LRCH1: variants seen among roughly 807,000 people sequenced by gnomAD.
LRCH1 encodes leucine-rich repeat and calponin homology domain-containing protein 1.
In LRCH1, 23 loss-of-function variants were observed where a neutral mutation model predicts 94.9. That is an observed-to-expected ratio of 0.24 (90% CI 0.17 to 0.34). The LOEUF (loss-of-function observed/expected upper bound fraction) is 0.34. Ranked by LOEUF, LRCH1 falls within the 10% of genes least tolerant of loss-of-function variation. The pLI, the probability that LRCH1 is intolerant of heterozygous loss-of-function variation, is 1.00. For synonymous variants in LRCH1, 364 were observed against 354.9 expected (o/e 1.03, Z -0.29); for missense variants, 790 against 945.9 (o/e 0.84, Z 2.16).
chr13:46,649,361 T>C (rs2051263005), intron 1 of LRCH1, among the ~76,000 whole-genome samples: 1 of 152,222 alleles, frequency 6.6e-6, no homozygotes, highest in Non-Finnish European at 1.5e-5. Context: ...TTCTGGAATT[T>C]GACAATCATG....
At chr13:46,574,821 G>GTTTTTTTTTT (rs1566151493) in intron 1 of LRCH1, among the ~76,000 whole-genome samples, 1 of 134,514 alleles carries the variant, frequency 7.4e-6, no homozygotes, top group Non-Finnish European at 1.6e-5. Flanking sequence ...TTGTGTGTGG[G>GTTTTTTTTTT]GTTTTTTTTT....
intron 16 of LRCH1, among the ~76,000 whole-genome samples, chr13:46,720,196 G>A (rs935559150): frequency 5.9e-5 from 9 of 152,050 alleles, no homozygotes; most frequent in African/African-American, 1.9e-4. Context: ...AGACCAGCCT[G>A]GGCAATATGG....
intron 1 of LRCH1, among the ~76,000 whole-genome samples, chr13:46,557,589 C>T (rs1028548407): frequency 6.7e-6 from 1 of 148,294 alleles, no homozygotes; most frequent in Admixed American, 6.9e-5. Context: ...ACTCCTGTAA[C>T]GCCTGCACTT....
intron 1 of LRCH1, among the ~76,000 whole-genome samples, chr13:46,567,974 A>G (rs2050202907): frequency 6.6e-6 from 1 of 152,110 alleles, no homozygotes; most frequent in Non-Finnish European, 1.5e-5. Flanking sequence ...GGTCTTTCTC[A>G]AGTGGTTCCA....
At chr13:46,645,472 TGAAA>T (rs1311581912) in intron 1 of LRCH1, among the ~76,000 whole-genome samples, 2 of 152,252 alleles carry the variant, frequency 1.3e-5, no homozygotes, top group Non-Finnish European at 2.9e-5. Context: ...ATTATGATGA[TGAAA>T]CAAAATTTCT....
chr13:46,553,199 C>A lies in LRCH1; in HGVS notation c.-198C>A, dbSNP rs567767454. 7.1e-6 allele frequency: 4 copies of A among 563,986 alleles called. No homozygotes were observed. The highest frequency in any genetic ancestry group is 4.0e-5 in the South Asian group (2 of 50,142). 34.9% of individuals were successfully genotyped at this position (563,986 alleles called of 1,614,324 possible). On this transcript the variant is annotated 5_prime_UTR_variant, in exon 1 of 20. Transcript: ENST00000389797. ...TCCTTAGCTTCCCGGGGACAGGAAA[C>A]CTTCAAGACCGAGCTGCCACGGCCG...
At chr13:46,730,192 T>A (rs1873029317) in intron 18 of LRCH1, among the ~76,000 whole-genome samples, 1 of 152,188 alleles carries the variant, frequency 6.6e-6, no homozygotes, top group African/African-American at 2.4e-5. Flanking sequence ...AATGTAAGGT[T>A]TGGATTAAAA....
chr13:46,558,704 G>T (rs933395712), intron 1 of LRCH1, among the ~76,000 whole-genome samples: 2 of 151,570 alleles, frequency 1.3e-5, no homozygotes, highest in Non-Finnish European at 2.9e-5. Flanking sequence ...CTGCACTCCA[G>T]CCTGGGCGAC....
chr13:46,722,571 G>A (rs1872631534), intron 16 of LRCH1, among the ~76,000 whole-genome samples: 1 of 152,164 alleles, frequency 6.6e-6, no homozygotes, highest in African/African-American at 2.4e-5. Flanking sequence ...ATTCTTGGAA[G>A]TCGTAACTTC....
At position 46,715,658 on chromosome 13, in the gene LRCH1, G is replaced by A; in HGVS notation, c.1753G>A (p.Asp585Asn). 2.0e-6 allele frequency: 3 copies of A among 1,531,474 alleles called. No individual in the cohort carries two copies. The highest frequency in any genetic ancestry group is 2.6e-6 in the Non-Finnish European group (3 of 1,141,634). The allele number at this position is 1,531,474 out of a possible 1,614,324, so 94.9% of individuals were successfully genotyped here. ...CAGTGTTCCATCTGAAGGAGACAGT[G>A]ACAATGGTAGGTGGCTTTGTACCTA... ...SYSVPSEGDSDNVFLRPQRNL... is the reference protein window; with the variant it reads ...SYSVPSEGDSNNVFLRPQRNL... The change falls in exon 16 of 20, where the codon GAC becomes AAC. Residue 585 changes from aspartate to asparagine, a missense_variant. By Grantham distance (23) the Asp-to-Asn change is conservative. This residue lies in a region of LRCH1 where 460 missense variants were observed against 508.9 expected (regional missense o/e 0.90). Coordinates refer to ENST00000389797, the MANE Select transcript of LRCH1 (RefSeq NM_001164211.2).
rs758770815 is a variant in LRCH1 at position 46,614,099 on chromosome 13, CAT to C, written c.308-36100_308-36099del. Among the ~76,000 whole-genome samples the C allele has an allele frequency of 1.5e-3, 115 of 75,768 alleles. 1 individual carries two copies. Among genetic ancestry groups the C allele is most frequent in the South Asian group, 4.2e-4 (1 of 2,362 alleles). 49.7% of individuals were successfully genotyped at this position (75,768 alleles called of 152,430 possible). A position where few individuals can be genotyped will look rare whatever the true frequency, so the allele number is the denominator to read the frequency against. On this transcript the variant is annotated intron_variant, in intron 1 of 19. Coordinates refer to ENST00000389797, the MANE Select transcript of LRCH1 (RefSeq NM_001164211.2). ...TTAAATTAACACACCCATCATTTCA[CAT>C]AGTTACCTTTCTTTTTTTGTGGCGA...
downstream of LRCH1, chr13:46,745,043 C>G (rs1873854869): frequency 2.5e-6 from 1 of 392,696 alleles, no homozygotes. Flanking sequence ...ATAAAAAAGT[C>G]ACTGGGACAC....
At chr13:46,750,877 AG>A (rs1874100532) in exon 19 of LRCH1, 1 of 389,956 alleles carries the variant, frequency 2.6e-6, no homozygotes, top group Non-Finnish European at 4.6e-6. Flanking sequence ...AGGGAGCTGG[AG>A]GAAAAAAAAA....
chr13:46,574,608 A>G (rs1402250139), intron 1 of LRCH1, among the ~76,000 whole-genome samples: 1 of 152,232 alleles, frequency 6.6e-6, no homozygotes, highest in African/African-American at 2.4e-5. Flanking sequence ...AATTATTTGT[A>G]GATCCCACTT....
intron 1 of LRCH1, among the ~76,000 whole-genome samples, chr13:46,593,526 C>T (rs978438123): frequency 1.3e-5 from 2 of 152,294 alleles, no homozygotes; most frequent in East Asian, 1.9e-4. Flanking sequence ...AACGTCACCA[C>T]GATCTGACGT....
chr13:46,719,296 C>A (rs7328050), intron 16 of LRCH1, among the ~76,000 whole-genome samples: 2,073 of 152,288 alleles, frequency 0.014, 61 homozygotes, highest in African/African-American at 0.047. Context: ...GTGTTTGAAA[C>A]GTTTGTTTCA....
intron 1 of LRCH1, among the ~76,000 whole-genome samples, chr13:46,629,437 A>G (rs1417126706): frequency 6.6e-6 from 1 of 152,234 alleles, no homozygotes. Context: ...CTCTAATTGC[A>G]TAGTTCATGA....
At chr13:46,573,573 G>T (rs1460701934) in intron 1 of LRCH1, among the ~76,000 whole-genome samples, 2 of 152,070 alleles carry the variant, frequency 1.3e-5, no homozygotes, top group Non-Finnish European at 2.9e-5. Flanking sequence ...CCTGTCATTT[G>T]CAACCACATG....
At chr13:46,695,247 C>T (rs781713132) in intron 9 of LRCH1, among the ~76,000 whole-genome samples, 5 of 152,272 alleles carry the variant, frequency 3.3e-5, no homozygotes, top group East Asian at 1.9e-4. Context: ...ATTTTCTTTC[C>T]GCTACTCAGT....
Sources: gnomAD v4.1 joint callset for allele counts (sites outside exome capture counted in the v4.1 genomes callset) on GRCh38, gnomAD v4.1.1 for gene constraint, gnomAD v4.1.1 regional missense constraint, MANE v1.5 for transcripts, NCBI Gene and HGNC (gene_info 2026-07-23, HGNC 2026-07-21) for gene names.